The following CCDC73 variants were observed in gnomAD, a reference collection of about 807,000 sequenced individuals.
The protein encoded by CCDC73 is coiled-coil domain-containing protein 73.
In CCDC73, 95 loss-of-function variants were observed where a neutral mutation model predicts 116.5. The observed-to-expected ratio is 0.82, with a 90% CI of 0.69 to 0.97. The LOEUF (loss-of-function observed/expected upper bound fraction) is 0.97. Among genes scored for constraint, CCDC73 ranks in the 50% least tolerant of loss-of-function variants. The pLI, the probability that CCDC73 is intolerant of heterozygous loss-of-function variation, is 0.00. For missense variants in CCDC73, 1,066 were observed against 1,206.8 expected (o/e 0.88, Z 1.73); for synonymous variants, 398 against 401.3 (o/e 0.99, Z 0.10).
At position 32,672,414 on chromosome 11, in the gene CCDC73, A is replaced by G. The variant is rs184012319; in HGVS notation, c.645+3151T>C. Among the ~76,000 whole-genome samples the G allele has an allele frequency of 1.1e-3, 163 of 152,344 alleles. 1 individual carries two copies. The highest frequency in any genetic ancestry group is 3.2e-4 in the Non-Finnish European group (22 of 68,026). On this transcript the variant is annotated intron_variant, in intron 9 of 17. Coordinates refer to ENST00000335185, the MANE Select transcript of CCDC73 (RefSeq NM_001008391.4). Reference sequence around the variant, plus strand: ...TTTTCATTTAATGCAAAAAATTAGTACAGAATTTATGAGGCATATTTTCAT... The same window carrying G: ...TTTTCATTTAATGCAAAAAATTAGTGCAGAATTTATGAGGCATATTTTCAT...
intron 17 of CCDC73, among the ~76,000 whole-genome samples, chr11:32,607,426 G>C (rs1223526453): frequency 2.0e-5 from 3 of 152,214 alleles, no homozygotes; most frequent in Admixed American, 1.3e-4. Flanking sequence ...ATTAGTTGCA[G>C]ATAGAACATT....
chr11:32,619,810 G>A (rs1204536964), intron 14 of CCDC73, among the ~76,000 whole-genome samples: 1 of 145,834 alleles, frequency 6.9e-6, no homozygotes, highest in Non-Finnish European at 1.5e-5. Context: ...AAAGGAGGAG[G>A]TGAAGAAGGA....
intron 12 of CCDC73, among the ~76,000 whole-genome samples, chr11:32,650,691 C>G (rs1855818498): frequency 6.6e-6 from 1 of 152,002 alleles, no homozygotes; most frequent in South Asian, 2.1e-4. Context: ...ACCACCTCTC[C>G]CTCCCTCTTC....
At chr11:32,760,677 G>A (rs772816505) in intron 1 of CCDC73, among the ~76,000 whole-genome samples, 4 of 152,168 alleles carry the variant, frequency 2.6e-5, no homozygotes, top group African/African-American at 4.8e-5. Context: ...GTTGGAAGAC[G>A]AAGGCTGGAA....
chr11:32,612,932 T>G (rs1855435135), intron 16 of CCDC73, among the ~76,000 whole-genome samples: 1 of 152,218 alleles, frequency 6.6e-6, no homozygotes, highest in African/African-American at 2.4e-5. Flanking sequence ...AATCTCTCTA[T>G]TCTCTTTAAC....
chr11:32,698,524 G>T (rs939571285), intron 6 of CCDC73, among the ~76,000 whole-genome samples: 4 of 152,148 alleles, frequency 2.6e-5, no homozygotes, highest in African/African-American at 9.7e-5. Context: ...TGCTAGACTC[G>T]ATCACTTGAT....
At chr11:32,817,308 G>A in the CCDC73 span, among the ~76,000 whole-genome samples, 1 of 152,142 alleles carries the variant, frequency 6.6e-6, no homozygotes, top group South Asian at 2.1e-4. Flanking sequence ...TTACTTCTGT[G>A]GCATAAGTTG....
At chr11:32,752,818 T>C (rs1157304283) in intron 2 of CCDC73, among the ~76,000 whole-genome samples, 1 of 152,238 alleles carries the variant, frequency 6.6e-6, no homozygotes, top group Non-Finnish European at 1.5e-5. Context: ...CACTTTTTTT[T>C]TAAGAGACAA....
intron 1 of CCDC73, among the ~76,000 whole-genome samples, chr11:32,785,460 G>A (rs1356295191): frequency 6.6e-6 from 1 of 152,088 alleles, no homozygotes; most frequent in Non-Finnish European, 1.5e-5. Flanking sequence ...GGAATGCAGT[G>A]GCGTGATCAC....
chr11:32,647,081 T>C lies in CCDC73; in HGVS notation c.940-4999A>G, dbSNP rs376737949. Among the ~76,000 whole-genome samples the C allele has an allele frequency of 5.9e-5, 9 of 152,310 alleles. No homozygotes were observed. In the East Asian group the frequency reaches 1.5e-3, roughly 26 times the overall value. On this transcript the variant is annotated intron_variant, in intron 12 of 17. Coordinates refer to ENST00000335185, the MANE Select transcript of CCDC73 (RefSeq NM_001008391.4). ...TATTTGTTTTGTCTGTTTTTCATAT[T>C]GGAGGCTGTATTAGGTTGTTCTTGC...
At chr11:32,603,319 A>C (rs1590534641) in intron 17 of CCDC73, 2 of 258,278 alleles carry the variant, frequency 7.7e-6, no homozygotes, top group East Asian at 1.5e-4. Flanking sequence ...GGGCAGTGAG[A>C]TATTTGGAAG....
chr11:32,612,299 T>C (rs969137909), intron 16 of CCDC73, among the ~76,000 whole-genome samples: 1 of 152,090 alleles, frequency 6.6e-6, no homozygotes, highest in Non-Finnish European at 1.5e-5. Context: ...GACTATGAGA[T>C]TGCTATTAAA....
At chr11:32,778,465 G>A (rs1011935734) in intron 1 of CCDC73, among the ~76,000 whole-genome samples, 1 of 152,120 alleles carries the variant, frequency 6.6e-6, no homozygotes, top group African/African-American at 2.4e-5. Context: ...ACTGTAATCT[G>A]GCCTTAACAA....
At chr11:32,744,855 G>C (rs574691663) in intron 2 of CCDC73, among the ~76,000 whole-genome samples, 2 of 152,218 alleles carry the variant, frequency 1.3e-5, no homozygotes, top group African/African-American at 4.8e-5. Context: ...CAAAAAACCA[G>C]CTCCTGGATT....
intron 7 of CCDC73, chr11:32,681,957 C>T (rs1253558938): frequency 6.6e-6 from 1 of 151,634 alleles, no homozygotes; most frequent in Non-Finnish European, 1.5e-5. Context: ...ACATATAAAA[C>T]TTTTTAAATT....
At chr11:32,829,642 C>T in the CCDC73 span, 17 of 540,358 alleles carry the variant, frequency 3.1e-5, no homozygotes, top group Non-Finnish European at 3.1e-5. Flanking sequence ...GCCGAGGGCG[C>T]TCTGCTTAAG....
intron 9 of CCDC73, among the ~76,000 whole-genome samples, chr11:32,668,094 T>C (rs1397936984): frequency 6.6e-6 from 1 of 152,194 alleles, no homozygotes; most frequent in Non-Finnish European, 1.5e-5. Flanking sequence ...ATGCAACCAG[T>C]ATTTGAGCAT....
At chr11:32,790,304 C>A (rs1850663760) in intron 1 of CCDC73, among the ~76,000 whole-genome samples, 1 of 152,210 alleles carries the variant, frequency 6.6e-6, no homozygotes, top group Non-Finnish European at 1.5e-5. Flanking sequence ...ATCCCATTCA[C>A]ACCAATTTCT....
chr11:32,686,209 CAAAAA>C (rs34582756), intron 6 of CCDC73, among the ~76,000 whole-genome samples: 19 of 56,856 alleles, frequency 3.3e-4, no homozygotes, highest in Admixed American at 2.2e-3. Context: ...GAGGGAAAGC[CAAAAA>C]AAAAAAAAAA....
Sources: allele counts gnomAD v4.1 joint callset (sites outside exome capture counted in the v4.1 genomes callset), GRCh38; gene constraint gnomAD v4.1.1; transcripts MANE v1.5; gene names NCBI Gene and HGNC (gene_info 2026-07-23, HGNC 2026-07-21).